C3orf85: variants seen among roughly 807,000 people sequenced by gnomAD.
C3orf85 encodes the protein uncharacterized protein C3orf85.
C3orf85 carries 1 observed loss-of-function variant against 1.7 expected under a neutral mutation model. That is an observed-to-expected ratio of 0.60 (90% CI 0.21 to 2.86). C3orf85 has a LOEUF of 2.86. Ranked by LOEUF, C3orf85 falls within the 30% of genes most tolerant of loss-of-function variation. C3orf85 has a pLI of 0.22. For missense variants in C3orf85, 29 were observed against 21.3 expected (o/e 1.36, Z -0.72); for synonymous variants, 17 against 8.0 (o/e 2.13, Z -1.90).
chr3:109,144,763 C>T (rs1301238803), intron 2 of C3orf85, among the ~76,000 whole-genome samples: 2 of 152,140 alleles, frequency 1.3e-5, no homozygotes, highest in Non-Finnish European at 2.9e-5. Flanking sequence ...GCAATTACTA[C>T]AGATTCACTA....
chr3:109,143,797 T>A (rs188620761), intron 2 of C3orf85, among the ~76,000 whole-genome samples: 3 of 152,198 alleles, frequency 2.0e-5, no homozygotes, highest in Non-Finnish European at 4.4e-5. Context: ...ACCTAGCTGG[T>A]CACTGGCGAG....
At chr3:109,138,386 A>G (rs569114661) in intron 2 of C3orf85, among the ~76,000 whole-genome samples, 41 of 152,282 alleles carry the variant, frequency 2.7e-4, no homozygotes, top group African/African-American at 9.9e-4. Context: ...CATTCATTAC[A>G]ATAACTGGTT....
chr3:109,139,756 A>G (rs941997020), intron 2 of C3orf85, among the ~76,000 whole-genome samples: 5 of 152,230 alleles, frequency 3.3e-5, no homozygotes, highest in African/African-American at 1.2e-4. Context: ...CTGCGATCAG[A>G]TCTGTCCATA....
chr3:109,137,637 G>GTGTGTGTATATATATATATATATATA (rs751674362), intron 2 of C3orf85, among the ~76,000 whole-genome samples: 2 of 79,894 alleles, frequency 2.5e-5, no homozygotes, highest in East Asian at 4.4e-4. Context: ...GTGTGTGTGT[G>GTGTGTGTATATATATATATATATATA]TATATATATA....
intron 2 of C3orf85, among the ~76,000 whole-genome samples, chr3:109,139,228 A>G (rs948796912): frequency 3.9e-5 from 6 of 152,214 alleles, no homozygotes; most frequent in Non-Finnish European, 7.3e-5. Flanking sequence ...CCCCTCTGGC[A>G]CTGCAGTGAC....
chr3:109,149,827 T>G lies in C3orf85; in HGVS notation c.206T>G (p.Leu69Trp). The G allele has an allele frequency of 2.5e-6, 1 of 398,584 alleles. No homozygotes were observed. Among genetic ancestry groups the G allele is most frequent in the Non-Finnish European group, 4.4e-6 (1 of 225,692 alleles). 24.7% of individuals were successfully genotyped at this position (398,584 alleles called of 1,614,324 possible). ...AAGGCTCGTGAAACATGGATTGCTTTGAAAACAACAGCACAGTATTATTTG... is the reference window on the plus strand; with the variant it reads ...AAGGCTCGTGAAACATGGATTGCTTGGAAAACAACAGCACAGTATTATTTG... Reference protein sequence around the residue: ...AKQARETWIALKTTAQYYLDM... With the variant: ...AKQARETWIAWKTTAQYYLDM... The change falls in exon 4 of 4, where the codon TTG (leucine) becomes TGG (tryptophan). Residue 69 changes from leucine to tryptophan, a missense_variant. Coordinates refer to ENST00000622536, the MANE Select transcript of C3orf85 (RefSeq NM_001351622.2).
At position 109,148,247 on chromosome 3, in the gene C3orf85, T is replaced by A. The variant is rs1208214671; in HGVS notation, c.50-6T>A. 1 of 701,248 alleles carries A rather than the reference T, an allele frequency of 1.4e-6. No homozygotes were observed. Among genetic ancestry groups the A allele is most frequent in the African/African-American group, 1.7e-5 (1 of 57,150 alleles). The allele number at this position is 701,248 out of a possible 1,614,324, so 43.4% of individuals were successfully genotyped here. ...AGATGCTGTGCTCTTGGACTCTAAA[T>A]TGCAGGAGCATTGGGAGCGCCATTT... On this transcript the variant is annotated splice_region_variant and splice_polypyrimidine_tract_variant and intron_variant, in intron 2 of 3. Transcript: ENST00000622536.
intron 2 of C3orf85, among the ~76,000 whole-genome samples, chr3:109,145,092 T>C (rs1051150218): frequency 6.6e-6 from 1 of 152,150 alleles, no homozygotes. Flanking sequence ...TGTTTTCCCA[T>C]CCCACGTTCA....
chr3:109,142,063 A>C (rs1706748333), intron 2 of C3orf85, among the ~76,000 whole-genome samples: 1 of 152,226 alleles, frequency 6.6e-6, no homozygotes, highest in Non-Finnish European at 1.5e-5. Context: ...AGAATATTCA[A>C]GTTTTAGAAA....
At chr3:109,143,329 C>A (rs189647906) in intron 2 of C3orf85, among the ~76,000 whole-genome samples, 2 of 152,276 alleles carry the variant, frequency 1.3e-5, no homozygotes, top group Admixed American at 1.3e-4. Flanking sequence ...TTTTCCCCAC[C>A]ATTATGTTTA....
At chr3:109,144,341 T>A (rs1042699664) in intron 2 of C3orf85, among the ~76,000 whole-genome samples, 1 of 152,214 alleles carries the variant, frequency 6.6e-6, no homozygotes, top group Non-Finnish European at 1.5e-5. Context: ...GCCACTGACT[T>A]ACTATATGAC....
chr3:109,137,613 G>GTA (rs1220690564), intron 2 of C3orf85, among the ~76,000 whole-genome samples: 3 of 89,914 alleles, frequency 3.3e-5, no homozygotes, highest in Non-Finnish European at 7.0e-5. Flanking sequence ...CTAGATAGAT[G>GTA]TATATATGTG....
intron 2 of C3orf85, among the ~76,000 whole-genome samples, chr3:109,139,853 T>G (rs1706724822): frequency 6.6e-6 from 1 of 152,202 alleles, no homozygotes; most frequent in South Asian, 2.1e-4. Flanking sequence ...CACCTCTTAT[T>G]TTTCACTCCA....
chr3:109,139,233 A>G (rs907347779), intron 2 of C3orf85, among the ~76,000 whole-genome samples: 2 of 152,218 alleles, frequency 1.3e-5, no homozygotes, highest in Non-Finnish European at 2.9e-5. Context: ...CTGGCACTGC[A>G]GTGACTGACA....
At chr3:109,144,658 G>A (rs1706776641) in intron 2 of C3orf85, among the ~76,000 whole-genome samples, 1 of 152,114 alleles carries the variant, frequency 6.6e-6, no homozygotes, top group Non-Finnish European at 1.5e-5. Context: ...TTATGCAATA[G>A]CATTTTTTTC....
intron 2 of C3orf85, among the ~76,000 whole-genome samples, chr3:109,137,740 G>A (rs951609037): frequency 2.7e-5 from 4 of 148,396 alleles, no homozygotes; most frequent in Non-Finnish European, 5.9e-5. Flanking sequence ...ATTGCAATTT[G>A]CTGTTGGGTC....
At chr3:109,142,025 T>A (rs1489629798) in intron 2 of C3orf85, among the ~76,000 whole-genome samples, 2 of 150,902 alleles carry the variant, frequency 1.3e-5, no homozygotes, top group Non-Finnish European at 2.9e-5. Flanking sequence ...CAAGACTACA[T>A]CTCAAAAAAA....
At chr3:109,137,833 T>G (rs1365557218) in intron 2 of C3orf85, among the ~76,000 whole-genome samples, 2 of 152,020 alleles carry the variant, frequency 1.3e-5, no homozygotes, top group Admixed American at 6.6e-5. Flanking sequence ...CATACACAAT[T>G]ACAGCCCACA....
intron 2 of C3orf85, among the ~76,000 whole-genome samples, chr3:109,138,066 A>G (rs1706700818): frequency 6.6e-6 from 1 of 152,226 alleles, no homozygotes; most frequent in Non-Finnish European, 1.5e-5. Flanking sequence ...GGTCAAAAAT[A>G]TTTGACAAAG....
Sources: gnomAD v4.1 joint callset for allele counts (sites outside exome capture counted in the v4.1 genomes callset) on GRCh38, gnomAD v4.1.1 for gene constraint, MANE v1.5 for transcripts, NCBI Gene and HGNC (gene_info 2026-07-23, HGNC 2026-07-21) for gene names.